WNK3: variants seen among roughly 807,000 people sequenced by gnomAD.
WNK3 encodes WNK lysine deficient protein kinase 3.
A neutral mutation model predicts 116.7 loss-of-function variants in WNK3; 18 were observed. The observed-to-expected ratio is 0.15, with a 90% CI of 0.11 to 0.23. The LOEUF (loss-of-function observed/expected upper bound fraction) is 0.23, where lower values mean the gene tolerates loss of function less well. Ranked by LOEUF, WNK3 falls within the 10% of genes least tolerant of loss-of-function variation. WNK3 has a pLI of 1.00. For synonymous variants in WNK3, 404 were observed against 469.4 expected (o/e 0.86, Z 1.80); for missense variants, 993 against 1,323.8 (o/e 0.75, Z 3.88).
intron 5 of WNK3, among the ~76,000 whole-genome samples, chrX:54,307,574 C>G (rs1262813789): frequency 9.0e-6 from 1 of 111,598 alleles, no homozygotes; most frequent in African/African-American, 3.3e-5. Context: ...TTTGAATGCC[C>G]TTTCATAAAA....
At chrX:54,253,593 A>G (rs1557154858) in intron 13 of WNK3, among the ~76,000 whole-genome samples, 1 of 111,928 alleles carries the variant, frequency 8.9e-6, no homozygotes, top group African/African-American at 3.2e-5. Context: ...AAAAAGAATT[A>G]CCTGGGGAGC....
chrX:54,224,351 TA>T (rs781959334), intron 22 of WNK3, among the ~76,000 whole-genome samples: 288 of 81,313 alleles, frequency 3.5e-3, no homozygotes, highest in East Asian at 8.2e-3. Flanking sequence ...AAACTCCATC[TA>T]AAAAAAAAAA....
At chrX:54,326,770 A>G (rs187228238) in intron 2 of WNK3, among the ~76,000 whole-genome samples, 5 of 111,595 alleles carry the variant, frequency 4.5e-5, no homozygotes, top group African/African-American at 1.6e-4. Flanking sequence ...AGATCACTTG[A>G]GGTCAGGAGA....
At chrX:54,327,512 T>C (rs946488665) in intron 2 of WNK3, among the ~76,000 whole-genome samples, 5 of 111,617 alleles carry the variant, frequency 4.5e-5, no homozygotes, top group Admixed American at 9.6e-5. Context: ...TTAAAACCTA[T>C]TGTTGAGCTA....
At chrX:54,250,474 C>A (rs1470579970) in intron 15 of WNK3, among the ~76,000 whole-genome samples, 1 of 111,892 alleles carries the variant, frequency 8.9e-6, no homozygotes, top group Admixed American at 9.6e-5. Flanking sequence ...TTATATAAAT[C>A]TATACATGTA....
Position 54,307,482 on chromosome X carries a change from C to T in WNK3, c.1089+440G>A, listed in dbSNP as rs138257345. Among the ~76,000 whole-genome samples the T allele has an allele frequency of 7.3e-3, 816 of 111,348 alleles. 10 individuals are homozygous for T. The highest frequency in any genetic ancestry group is 0.026 in the African/African-American group (799 of 30,669). On this transcript the variant is annotated intron_variant, in intron 5 of 23. Transcript: ENST00000354646. ...TCTTTAGGGTAGCAAACACTTCTTA[C>T]TCATGTTTGCATTCCTTACAATTTC...
chrX:54,278,298 T>C (rs149263648), intron 10 of WNK3, among the ~76,000 whole-genome samples: 57 of 109,995 alleles, frequency 5.2e-4, no homozygotes, highest in African/African-American at 1.9e-3. Context: ...AAGATGTCAA[T>C]TTTCCCCAAA....
chrX:54,254,897 C>G (rs1318240652), intron 12 of WNK3, among the ~76,000 whole-genome samples: 1 of 111,475 alleles, frequency 9.0e-6, no homozygotes, highest in Non-Finnish European at 1.9e-5. Flanking sequence ...GTTAGAGATA[C>G]GGGCTTTAAA....
chrX:54,299,665 C>T (rs2068737308), intron 6 of WNK3, among the ~76,000 whole-genome samples: 1 of 109,266 alleles, frequency 9.2e-6, no homozygotes, highest in Non-Finnish European at 1.9e-5. Flanking sequence ...ATTTTGTGAT[C>T]CGCCCCACTC....
intron 10 of WNK3, among the ~76,000 whole-genome samples, chrX:54,281,171 T>C (rs1424348683): frequency 9.0e-6 from 1 of 111,434 alleles, no homozygotes; most frequent in Middle Eastern, 4.2e-3. Flanking sequence ...TGTACGTGTA[T>C]GTGTGGTGAG....
At chrX:54,311,091 T>G (rs1278537487) in intron 3 of WNK3, 28 bp downstream of exon 3, 1 of 1,042,799 alleles carries the variant, frequency 9.6e-7, no homozygotes, top group Non-Finnish European at 1.3e-6. Flanking sequence ...CAAATAAAAC[T>G]ACATTGGCAC....
intron 2 of WNK3, among the ~76,000 whole-genome samples, chrX:54,324,552 G>T (rs1224669098): frequency 8.9e-6 from 1 of 112,305 alleles, no homozygotes; most frequent in Non-Finnish European, 1.9e-5. Flanking sequence ...TTCGTGACTA[G>T]TTTTTAAACA....
chrX:54,237,542 T>C lies in WNK3; in HGVS notation c.4024A>G (p.Ile1342Val), dbSNP rs782374181. Residue 1342 changes from isoleucine (I) to valine (V), a missense_variant, in exon 20 of 24, where the codon ATT becomes GTT. By Grantham distance (29) the Ile-to-Val change is conservative (BLOSUM62 3). Around this residue, in one of 4 missense-constraint regions of WNK3, gnomAD observed 836 missense variants for 976.5 expected, o/e 0.86. Coordinates refer to ENST00000354646, the Ensembl canonical transcript of WNK3. ...ATTTTTGCTGACTGCTGCTGAGGAA[T>C]TGTAATCACCTGAGATATAAAAACG... is the stretch of plus-strand genomic sequence containing the variant. 1.2e-5 allele frequency: 14 copies of C among 1,160,646 alleles called. No homozygotes were observed. The Admixed American group carries it at 2.0e-4, about 16-fold the overall frequency.
At chrX:54,265,917 G>A (rs942134596) in intron 10 of WNK3, among the ~76,000 whole-genome samples, 1 of 110,800 alleles carries the variant, frequency 9.0e-6, no homozygotes, top group Non-Finnish European at 1.9e-5. Context: ...GGTGGCGGGT[G>A]CCTGTACTCC....
At chrX:54,310,434 C>CT (rs2068874510) in intron 3 of WNK3, among the ~76,000 whole-genome samples, 1 of 109,812 alleles carries the variant, frequency 9.1e-6, no homozygotes, top group African/African-American at 3.3e-5. Flanking sequence ...GTGGTTCCAG[C>CT]TACTCAGTAG....
chrX:54,346,920 CT>C (rs2069439520), intron 1 of WNK3, among the ~76,000 whole-genome samples: 1 of 111,777 alleles, frequency 8.9e-6, no homozygotes, highest in African/African-American at 3.2e-5. Flanking sequence ...TCAGGAGATT[CT>C]ATTTAGGAAG....
chrX:54,258,016 G>A (rs1273378170), intron 11 of WNK3, among the ~76,000 whole-genome samples: 3 of 109,365 alleles, frequency 2.7e-5, no homozygotes, highest in African/African-American at 1.0e-4. Flanking sequence ...TGTGGTGCAC[G>A]CCTATAATCC....
At chrX:54,275,081 G>T (rs1193879680) in intron 10 of WNK3, among the ~76,000 whole-genome samples, 2 of 107,426 alleles carry the variant, frequency 1.9e-5, no homozygotes, top group African/African-American at 6.8e-5. Context: ...TTGGGAGGCC[G>T]AGGCAGGGAA....
At chrX:54,332,467 C>T (rs2069180960) in intron 2 of WNK3, among the ~76,000 whole-genome samples, 1 of 112,088 alleles carries the variant, frequency 8.9e-6, no homozygotes, top group African/African-American at 3.2e-5. Flanking sequence ...TTCCCTATCA[C>T]ATTCTCAAGT....
Sources: allele counts gnomAD v4.1 joint callset (sites outside exome capture counted in the v4.1 genomes callset), GRCh38; gene constraint gnomAD v4.1.1; regional missense constraint gnomAD v4.1.1; transcripts MANE v1.5; gene names NCBI Gene and HGNC (gene_info 2026-07-23, HGNC 2026-07-21).